NRXN1: variants seen among roughly 807,000 people sequenced by gnomAD.
NRXN1 encodes neurexin 1.
Under a neutral mutation model 150.9 loss-of-function variants are expected in NRXN1, and 39 were observed. The ratio of observed to expected loss-of-function variants is 0.26; its 90% CI spans 0.20 to 0.34. The LOEUF (loss-of-function observed/expected upper bound fraction) is 0.34, where lower values mean the gene tolerates loss of function less well. NRXN1 is among the 10% of genes least tolerant of loss of function. NRXN1 has a pLI of 1.00. For missense variants in NRXN1, 1,815 were observed against 1,949.9 expected, an observed-to-expected ratio of 0.93 and a Z score of 1.30; for synonymous variants, 924 against 757.0, an observed-to-expected ratio of 1.22 and a Z score of -3.62.
intron 15 of NRXN1, among the ~76,000 whole-genome samples, chr2:50,487,528 C>T (rs563311376): frequency 2.6e-5 from 4 of 152,308 alleles, no homozygotes; most frequent in Admixed American, 6.5e-5. Context: ...AATGCACTTT[C>T]CTGTGTGGAT....
Position 50,859,838 on chromosome 2 carries a change from T to TTGTGTGTG in NRXN1, c.832+62023_832+62030dup, listed in dbSNP as rs58904379. Among the ~76,000 whole-genome samples the TTGTGTGTG allele has an allele frequency of 5.8e-3, 851 of 147,670 alleles. 6 individuals are homozygous for TTGTGTGTG. Among genetic ancestry groups the TTGTGTGTG allele is most frequent in the African/African-American group, 0.02 (795 of 40,134 alleles). Reference sequence around the variant, plus strand: ...ATTATATACACACACACAATTATGTTTGTGTGTGTGTGTGTGTGTGTGTGT... The same window carrying TTGTGTGTG: ...ATTATATACACACACACAATTATGTTTGTGTGTGTGTGTGTGTGTGTGTGTGTGTGTGT... On this transcript the variant is annotated intron_variant, in intron 5 of 22. Transcript: ENST00000401669.
intron 21 of NRXN1, among the ~76,000 whole-genome samples, chr2:50,001,818 C>T (rs1429199769): frequency 6.6e-6 from 1 of 152,004 alleles, no homozygotes; most frequent in African/African-American, 2.4e-5. Flanking sequence ...GGAATTTTCT[C>T]CCTTTAAGCG....
intron 17 of NRXN1, among the ~76,000 whole-genome samples, chr2:50,264,484 A>G (rs1255667395): frequency 6.6e-6 from 1 of 152,086 alleles, no homozygotes; most frequent in Non-Finnish European, 1.5e-5. Flanking sequence ...GTAGAGAAAC[A>G]AGGAGGAAAT....
At chr2:50,913,823 T>C (rs1442790769) in intron 5 of NRXN1, among the ~76,000 whole-genome samples, 3 of 151,708 alleles carry the variant, frequency 2.0e-5, no homozygotes, top group East Asian at 3.9e-4. Context: ...ATAATATGAA[T>C]GCAAAAGAAT....
At chr2:50,955,474 G>A (rs1049860616) in intron 2 of NRXN1, among the ~76,000 whole-genome samples, 5 of 152,180 alleles carry the variant, frequency 3.3e-5, no homozygotes, top group African/African-American at 7.2e-5. Flanking sequence ...TTTAAAAAGT[G>A]ACATTGAAAA....
intron 5 of NRXN1, among the ~76,000 whole-genome samples, chr2:50,818,490 T>C (rs1380312197): frequency 6.6e-6 from 1 of 151,956 alleles, no homozygotes; most frequent in East Asian, 1.9e-4. Context: ...ATGCAAAAGA[T>C]TGAAACTGGA....
At chr2:50,948,546 T>C (rs898117984) in intron 2 of NRXN1, among the ~76,000 whole-genome samples, 3 of 152,070 alleles carry the variant, frequency 2.0e-5, no homozygotes, top group Non-Finnish European at 2.9e-5. Context: ...TGCTGGTTGA[T>C]CTGAATTTAT....
intron 5 of NRXN1, among the ~76,000 whole-genome samples, chr2:50,784,411 T>C (rs530629685): frequency 6.6e-6 from 1 of 151,870 alleles, no homozygotes; most frequent in Non-Finnish European, 1.5e-5. Context: ...GTAGAAGCAA[T>C]GAATGCATAG....
At chr2:50,148,907 C>T (rs917428341) in intron 18 of NRXN1, among the ~76,000 whole-genome samples, 2 of 151,746 alleles carry the variant, frequency 1.3e-5, no homozygotes, top group African/African-American at 2.4e-5. Flanking sequence ...ACAACATCTA[C>T]ATCTACCTTT....
At chr2:50,305,052 T>C (rs879641284) in intron 17 of NRXN1, among the ~76,000 whole-genome samples, 2 of 152,110 alleles carry the variant, frequency 1.3e-5, no homozygotes, top group African/African-American at 4.8e-5. Flanking sequence ...ATTGCTCCAC[T>C]GCACTCCAGC....
At chr2:50,840,517 C>T (rs1672718231) in intron 5 of NRXN1, among the ~76,000 whole-genome samples, 2 of 152,038 alleles carry the variant, frequency 1.3e-5, no homozygotes, top group Admixed American at 1.3e-4. Context: ...TGCTGAGGGC[C>T]TCAAGGAAAA....
chr2:50,744,063 T>C (rs1043109736), intron 5 of NRXN1, among the ~76,000 whole-genome samples: 1 of 152,158 alleles, frequency 6.6e-6, no homozygotes, highest in Non-Finnish European at 1.5e-5. Flanking sequence ...TCAAGTGTTA[T>C]TTCTGATTTC....
intron 5 of NRXN1, among the ~76,000 whole-genome samples, chr2:50,722,572 A>G (rs1696811327): frequency 6.6e-6 from 1 of 152,202 alleles, no homozygotes; most frequent in African/African-American, 2.4e-5. Flanking sequence ...AATATATTGG[A>G]AGAGTGAGAA....
At chr2:50,025,449 A>T (rs1688140929) in intron 21 of NRXN1, among the ~76,000 whole-genome samples, 1 of 152,192 alleles carries the variant, frequency 6.6e-6, no homozygotes, top group African/African-American at 2.4e-5. Context: ...ATATTTAGAT[A>T]GGCACATAAA....
At chr2:50,614,732 T>TAA (rs1678780418) in intron 8 of NRXN1, among the ~76,000 whole-genome samples, 1 of 28,260 alleles carries the variant, frequency 3.5e-5, no homozygotes, top group Non-Finnish European at 7.4e-5. Context: ...TATCAGCCAT[T>TAA]CAAAAAAAAA....
At chr2:49,948,451 C>G (rs1474572911) in intron 21 of NRXN1, among the ~76,000 whole-genome samples, 2 of 151,990 alleles carry the variant, frequency 1.3e-5, no homozygotes, top group Non-Finnish European at 2.9e-5. Flanking sequence ...TGTAATTTCC[C>G]TGGTATAATG....
chr2:50,803,176 T>C (rs1707850343), intron 5 of NRXN1, among the ~76,000 whole-genome samples: 1 of 152,348 alleles, frequency 6.6e-6, no homozygotes, highest in South Asian at 2.1e-4. Flanking sequence ...TCATTTCTGC[T>C]GATTTGATTA....
At chr2:50,252,773 G>C (rs958628431) in intron 17 of NRXN1, among the ~76,000 whole-genome samples, 2 of 151,998 alleles carry the variant, frequency 1.3e-5, no homozygotes, top group Admixed American at 1.3e-4. Flanking sequence ...TGTTCCATTA[G>C]TCTATGTGTC....
chr2:50,958,764 T>G (rs1335286796), intron 2 of NRXN1, among the ~76,000 whole-genome samples: 1 of 152,092 alleles, frequency 6.6e-6, no homozygotes, highest in Admixed American at 6.6e-5. Context: ...AGCATTCTTG[T>G]CTTGTTTCTG....
Sources: gnomAD v4.1 joint callset for allele counts (sites outside exome capture counted in the v4.1 genomes callset) on GRCh38, gnomAD v4.1.1 for gene constraint, MANE v1.5 for transcripts, NCBI Gene and HGNC (gene_info 2026-07-23, HGNC 2026-07-21) for gene names.